MRAP2: variants seen among roughly 807,000 people sequenced by gnomAD.
The protein encoded by MRAP2 is melanocortin 2 receptor accessory protein 2.
A neutral mutation model predicts 17.4 loss-of-function variants in MRAP2; 20 were observed. The ratio of observed to expected loss-of-function variants is 1.15; its 90% confidence interval spans 0.81 to 1.67. MRAP2 has a LOEUF of 1.67. Ranked by LOEUF, MRAP2 falls within the 40% of genes most tolerant of loss-of-function variation. The pLI, the probability that MRAP2 is intolerant of heterozygous loss-of-function variation, is 0.00. For missense variants in MRAP2, 238 were observed against 240.0 expected (o/e 0.99, Z 0.05); for synonymous variants, 96 against 88.4 (o/e 1.09, Z -0.48).
chr6:84,086,354 G>A (rs1490938616), intron 3 of MRAP2, among the ~76,000 whole-genome samples: 1 of 152,106 alleles, frequency 6.6e-6, no homozygotes, highest in East Asian at 1.9e-4. Context: ...GTATTTTTTT[G>A]TGCAAGGTTA....
the MRAP2 span, among the ~76,000 whole-genome samples, chr6:84,107,033 A>G: frequency 6.6e-6 from 1 of 152,140 alleles, no homozygotes. Context: ...ATTCACATAT[A>G]GGGTCCTTCC....
Position 84,062,987 on chromosome 6 carries a change from C to G in MRAP2, c.222C>G (p.His74Gln), listed in dbSNP as rs763511070. ...TGCTGACCAAGACAGGAGCCCCACACCAAGAGTAAGTTTGGGCTGTTCCTA... is the reference window on the plus strand; with the variant it reads ...TGCTGACCAAGACAGGAGCCCCACAGCAAGAGTAAGTTTGGGCTGTTCCTA... ...LTLLTKTGAPHQDNAESSEKR... is the reference protein window; with the variant it reads ...LTLLTKTGAPQQDNAESSEKR... Residue 74 changes from histidine (H) to glutamine (Q), a missense_variant, in exon 3 of 4, where the codon CAC (histidine) becomes CAG (glutamine). His to Gln is a conservative substitution (Grantham distance 24, BLOSUM62 0). Coordinates refer to ENST00000257776, the MANE Select transcript of MRAP2 (RefSeq NM_138409.4). The G allele has an allele frequency of 6.2e-6, 10 of 1,614,126 alleles. No individual in the cohort carries two copies. The highest frequency in any genetic ancestry group is 8.5e-6 in the Non-Finnish European group (10 of 1,180,008).
At chr6:84,139,513 T>A in the MRAP2 span, among the ~76,000 whole-genome samples, 1 of 152,150 alleles carries the variant, frequency 6.6e-6, no homozygotes, top group Non-Finnish European at 1.5e-5. Context: ...GAAAAAAAAT[T>A]TTTCCTTCCT....
chr6:84,080,954 C>T (rs1034673207), intron 3 of MRAP2, among the ~76,000 whole-genome samples: 1 of 152,064 alleles, frequency 6.6e-6, no homozygotes, highest in African/African-American at 2.4e-5. Context: ...TATCTAGGTA[C>T]AGTATGTAGT....
At chr6:84,061,628 T>C (rs1453005148) in intron 2 of MRAP2, 2 of 215,798 alleles carry the variant, frequency 9.3e-6, no homozygotes, top group African/African-American at 2.3e-5. Flanking sequence ...TAGCTCCACG[T>C]TGGGAAAAGT....
chr6:84,081,384 T>C (rs932814580), intron 3 of MRAP2, among the ~76,000 whole-genome samples: 1 of 152,212 alleles, frequency 6.6e-6, no homozygotes, highest in Non-Finnish European at 1.5e-5. Flanking sequence ...TCCCTACCCA[T>C]ATCTCATCTC....
chr6:84,095,669 G>C (rs910120237), downstream of MRAP2, among the ~76,000 whole-genome samples: 1 of 152,138 alleles, frequency 6.6e-6, no homozygotes, highest in African/African-American at 2.4e-5. Context: ...ATTATTGGTA[G>C]AACAATAATC....
intron 3 of MRAP2, among the ~76,000 whole-genome samples, chr6:84,078,178 C>G (rs1251885911): frequency 6.6e-6 from 1 of 152,046 alleles, no homozygotes; most frequent in Admixed American, 6.6e-5. Flanking sequence ...TCAAAAGACA[C>G]CTTTGAGAAA....
the MRAP2 span, among the ~76,000 whole-genome samples, chr6:84,143,004 G>C: frequency 2.0e-5 from 3 of 151,888 alleles, no homozygotes; most frequent in Admixed American, 6.6e-5. Flanking sequence ...ATATTAGTGG[G>C]ATAAAATTTA....
chr6:84,084,652 TA>T (rs1378240752), intron 3 of MRAP2, among the ~76,000 whole-genome samples: 2 of 152,036 alleles, frequency 1.3e-5, no homozygotes, highest in African/African-American at 4.8e-5. Flanking sequence ...GGCAGAAAAA[TA>T]AAATAGAGGA....
chr6:84,063,153 TCTC>T (rs1429265698), intron 3 of MRAP2, 161 bp downstream of exon 3: 12 of 985,266 alleles, frequency 1.2e-5, no homozygotes, highest in South Asian at 4.7e-5. Context: ...ATCCAGCTAT[TCTC>T]CTGGCTTTTT....
At chr6:84,144,896 C>T in the MRAP2 span, among the ~76,000 whole-genome samples, 17 of 152,048 alleles carry the variant, frequency 1.1e-4, no homozygotes, top group African/African-American at 3.6e-4. Context: ...CTCTATCTCT[C>T]CAGAAACCAT....
At chr6:84,125,076 C>T in the MRAP2 span, 1 of 1,610,736 alleles carries the variant, frequency 6.2e-7, no homozygotes, top group South Asian at 1.1e-5. Context: ...TCTATTAATA[C>T]TCTGGTGCAT....
chr6:84,053,618 G>A (rs1383212910), intron 1 of MRAP2, among the ~76,000 whole-genome samples: 1 of 152,200 alleles, frequency 6.6e-6, no homozygotes, highest in African/African-American at 2.4e-5. Flanking sequence ...GAAGAACAAA[G>A]CGAGGCTTTT....
intron 3 of MRAP2, among the ~76,000 whole-genome samples, chr6:84,068,784 C>CTTTTTTT (rs34220070): frequency 2.4e-4 from 13 of 55,188 alleles, no homozygotes; most frequent in Admixed American, 8.0e-4. Context: ...TTGCTGAATT[C>CTTTTTTT]TTTTTTTTTT....
At chr6:84,120,635 A>G in the MRAP2 span, among the ~76,000 whole-genome samples, 50 of 152,308 alleles carry the variant, frequency 3.3e-4, no homozygotes, top group Middle Eastern at 6.8e-3. Flanking sequence ...AATCGTCATC[A>G]AAATAGGATA....
intron 3 of MRAP2, among the ~76,000 whole-genome samples, chr6:84,072,425 A>G (rs889662200): frequency 6.6e-6 from 1 of 152,152 alleles, no homozygotes; most frequent in Non-Finnish European, 1.5e-5. Flanking sequence ...TGTGACGAGA[A>G]TCGTTTATGG....
chr6:84,076,115 G>T (rs529706823), intron 3 of MRAP2, among the ~76,000 whole-genome samples: 14 of 152,036 alleles, frequency 9.2e-5, no homozygotes, highest in African/African-American at 3.4e-4. Flanking sequence ...AGGTGGCAGT[G>T]CAGTGGTGCG....
chr6:84,070,302 GTTTCAGTTTGAAGAA>G (rs1251568071), intron 3 of MRAP2, among the ~76,000 whole-genome samples: 1 of 152,042 alleles, frequency 6.6e-6, no homozygotes, highest in African/African-American at 2.4e-5. Flanking sequence ...TCATTATTGT[GTTTCAGTTTGAAGAA>G]TTTTTAAATT....
Sources: gnomAD v4.1 joint callset for allele counts (sites outside exome capture counted in the v4.1 genomes callset) on GRCh38, gnomAD v4.1.1 for gene constraint, MANE v1.5 for transcripts, NCBI Gene and HGNC (gene_info 2026-07-23, HGNC 2026-07-21) for gene names.